Variants in SLC8A1 observed in about 807,000 individuals in gnomAD.
The protein encoded by SLC8A1 is sodium/calcium exchanger 1.
A neutral mutation model predicts 68.3 loss-of-function variants in SLC8A1; 18 were observed. The observed-to-expected ratio is 0.26, with a 90% CI of 0.18 to 0.39. SLC8A1 has a LOEUF of 0.39. SLC8A1 is among the 10% of genes least tolerant of loss of function. SLC8A1 has a pLI of 1.00. For synonymous variants in SLC8A1, 475 were observed against 415.5 expected (o/e 1.14, Z -1.74); for missense variants, 985 against 1,156.7 (o/e 0.85, Z 2.15).
chr2:40,113,895 G>A (rs2034896051), exon 8 of SLC8A1: 1 of 152,748 alleles, frequency 6.5e-6, no homozygotes, highest in Non-Finnish European at 1.5e-5. Context: ...TAGTTTGCCT[G>A]CTATCCTCTC....
intron 2 of SLC8A1, among the ~76,000 whole-genome samples, chr2:40,325,197 TCC>T (rs2075669689): frequency 6.6e-6 from 1 of 152,204 alleles, no homozygotes. Flanking sequence ...CAGACAGTTT[TCC>T]TTGTGAGGCT....
chr2:40,424,329 A>G lies in SLC8A1; in HGVS notation c.1808+4144T>C, dbSNP rs183878265. ...TCTCAGAATTGAATTGCCATCTCAC[A>G]TAGCTAAGTCTATAGAGAATTCTAT... On this transcript the variant is annotated intron_variant, in intron 2 of 7. Coordinates refer to ENST00000406785, the Ensembl canonical transcript of SLC8A1. 4.9e-4 allele frequency among the ~76,000 whole-genome samples: 74 copies of G among 151,916 alleles called. 1 individual carries two copies. The highest frequency in any genetic ancestry group is 4.2e-3 in the Admixed American group (64 of 15,250).
intron 1 of SLC8A1, among the ~76,000 whole-genome samples, chr2:40,498,773 A>T (rs1254980269): frequency 6.6e-6 from 1 of 152,098 alleles, no homozygotes; most frequent in Non-Finnish European, 1.5e-5. Flanking sequence ...TTTTCAATGG[A>T]TATCAAAGTT....
chr2:40,173,853 A>G (rs1290977862), intron 4 of SLC8A1, among the ~76,000 whole-genome samples: 4 of 152,182 alleles, frequency 2.6e-5, no homozygotes, highest in Non-Finnish European at 5.9e-5. Flanking sequence ...CTACTGTTTA[A>G]ATATTTATCT....
chr2:40,446,310 A>C (rs572775019), intron 1 of SLC8A1: 7 of 152,366 alleles, frequency 4.6e-5, no homozygotes, highest in African/African-American at 1.7e-4. Flanking sequence ...ACAATGGCTT[A>C]TGTTGTTATT....
At chr2:40,286,409 T>C (rs1479288024) in intron 2 of SLC8A1, among the ~76,000 whole-genome samples, 3 of 152,164 alleles carry the variant, frequency 2.0e-5, no homozygotes, top group Non-Finnish European at 4.4e-5. Flanking sequence ...TTTTGAGAGG[T>C]AACCATGCTT....
intron 1 of SLC8A1, among the ~76,000 whole-genome samples, chr2:40,439,177 G>A (rs1011003676): frequency 5.3e-5 from 8 of 151,968 alleles, no homozygotes; most frequent in Admixed American, 2.6e-4. Context: ...AGCACTGGAG[G>A]TAATATAAAG....
intron 2 of SLC8A1, among the ~76,000 whole-genome samples, chr2:40,238,313 C>A (rs1211885073): frequency 6.6e-6 from 1 of 152,182 alleles, no homozygotes; most frequent in Non-Finnish European, 1.5e-5. Context: ...CGTGGTGGGC[C>A]GTTTTTTAAG....
At chr2:40,431,256 GTCGGTCATATTT>G (rs569158624) in intron 1 of SLC8A1, among the ~76,000 whole-genome samples, 1 of 152,142 alleles carries the variant, frequency 6.6e-6, no homozygotes, top group East Asian at 1.9e-4. Context: ...CCTTCTCGGT[GTCGGTCATATTT>G]TCCATGGTCA....
At chr2:40,357,334 A>AT (rs200240458) in intron 2 of SLC8A1, among the ~76,000 whole-genome samples, 2,956 of 146,208 alleles carry the variant, frequency 0.02, 41 homozygotes, top group Middle Eastern at 0.058. Flanking sequence ...TCTACAAAAC[A>AT]TTTTTTTTTT....
chr2:40,148,184 A>G (rs1157862637), intron 6 of SLC8A1, among the ~76,000 whole-genome samples: 1 of 152,172 alleles, frequency 6.6e-6, no homozygotes, highest in Non-Finnish European at 1.5e-5. Context: ...AAAATACTAT[A>G]TTGTTCTTTC....
At chr2:40,236,983 T>C (rs956333533) in intron 2 of SLC8A1, among the ~76,000 whole-genome samples, 21 of 152,124 alleles carry the variant, frequency 1.4e-4, no homozygotes, top group African/African-American at 4.8e-4. Flanking sequence ...GTTAGTCTGA[T>C]GGGCTTCCCT....
At chr2:40,489,788 C>T (rs570905845) in intron 1 of SLC8A1, among the ~76,000 whole-genome samples, 1 of 151,922 alleles carries the variant, frequency 6.6e-6, no homozygotes, top group South Asian at 2.1e-4. Context: ...TGGGGTTAGT[C>T]TCTGAGCATG....
At chr2:40,174,875 A>T in intron 3 of SLC8A1, 33 bp from the exon 5 acceptor site, 1 of 1,594,256 alleles carries the variant, frequency 6.3e-7, no homozygotes, top group Non-Finnish European at 8.6e-7. Flanking sequence ...CAAATGTTAT[A>T]ATTTGACACT....
chr2:40,249,496 T>A (rs924734731), intron 2 of SLC8A1, among the ~76,000 whole-genome samples: 71 of 152,338 alleles, frequency 4.7e-4, no homozygotes, highest in Middle Eastern at 3.4e-3. Context: ...CTTAAATGGG[T>A]GGAGAGGCCT....
At chr2:40,430,281 G>T (rs748237959) in exon 2 of SLC8A1, 1 of 1,603,180 alleles carries the variant, frequency 6.2e-7, no homozygotes, top group Non-Finnish European at 8.5e-7. Flanking sequence ...TGTTGTACAT[G>T]ACACTTCCAA....
chr2:40,110,409 A>C (rs185286262), exon 8 of SLC8A1: 1 of 152,340 alleles, frequency 6.6e-6, no homozygotes, highest in East Asian at 1.9e-4. Flanking sequence ...TAGCAGAACT[A>C]CATTCTATTA....
intron 2 of SLC8A1, among the ~76,000 whole-genome samples, chr2:40,267,959 G>A (rs1031210720): frequency 1.3e-5 from 2 of 152,086 alleles, no homozygotes; most frequent in Non-Finnish European, 2.9e-5. Context: ...CTTTTCTGTT[G>A]AGCACTTATC....
At chr2:40,387,434 T>C (rs1186780103) in intron 2 of SLC8A1, among the ~76,000 whole-genome samples, 2 of 151,358 alleles carry the variant, frequency 1.3e-5, no homozygotes, top group Non-Finnish European at 2.9e-5. Context: ...ACTCAAACTT[T>C]TTTTTTCCAT....
Sources: allele counts gnomAD v4.1 joint callset (sites outside exome capture counted in the v4.1 genomes callset), GRCh38; gene constraint gnomAD v4.1.1; transcripts MANE v1.5; gene names NCBI Gene and HGNC (gene_info 2026-07-23, HGNC 2026-07-21).